The following KAZN variants were observed in gnomAD, a reference collection of about 807,000 sequenced individuals.
KAZN encodes the protein kazrin, periplakin interacting protein, also known as kazrin.
In KAZN, 40 loss-of-function variants were observed where a neutral mutation model predicts 87.4. That is an observed-to-expected ratio of 0.46 (90% CI 0.36 to 0.60). KAZN has a LOEUF of 0.60. Ranked by LOEUF, KAZN falls within the 20% of genes least tolerant of loss-of-function variation. The pLI, the probability that KAZN is intolerant of heterozygous loss-of-function variation, is 0.00. For missense variants in KAZN, 898 were observed against 1,073.9 expected (o/e 0.84, Z 2.29); for synonymous variants, 466 against 458.3 (o/e 1.02, Z -0.22).
intron 2 of KAZN, among the ~76,000 whole-genome samples, chr1:14,522,984 G>A (rs897638655): frequency 1.8e-4 from 28 of 152,062 alleles, no homozygotes; most frequent in African/African-American, 4.8e-4. Flanking sequence ...CTCCCTGTCC[G>A]CCTGTAATTC....
intron 1 of KAZN, among the ~76,000 whole-genome samples, chr1:13,927,447 C>T (rs1640325568): frequency 6.6e-6 from 1 of 152,146 alleles, no homozygotes; most frequent in Non-Finnish European, 1.5e-5. Context: ...CTCATCACAT[C>T]AGAAGACAAG....
chr1:15,089,027 G>A (rs574877106), intron 8 of KAZN, among the ~76,000 whole-genome samples: 129 of 151,894 alleles, frequency 8.5e-4, no homozygotes, highest in African/African-American at 2.9e-3. Context: ...CACACCAGAC[G>A]TTTGCCTTTT....
intron 1 of KAZN, among the ~76,000 whole-genome samples, chr1:14,659,399 G>T (rs1412273012): frequency 1.3e-5 from 2 of 152,044 alleles, no homozygotes; most frequent in Non-Finnish European, 2.9e-5. Flanking sequence ...ACACTCTGGG[G>T]TTTTATGGGG....
At chr1:14,181,950 G>A (rs549769469) in intron 2 of KAZN, among the ~76,000 whole-genome samples, 1 of 152,152 alleles carries the variant, frequency 6.6e-6, no homozygotes, top group South Asian at 2.1e-4. Context: ...TGAAAAAAGT[G>A]CATATTTTTC....
At chr1:14,702,326 CTGTGTGTGTGTGTGTGTG>C (rs3222186) in intron 1 of KAZN, among the ~76,000 whole-genome samples, 1 of 133,282 alleles carries the variant, frequency 7.5e-6, no homozygotes, top group Admixed American at 7.6e-5. Context: ...TTTTGCAAAA[CTGTGTGTGTGTGTGTGTG>C]TGTGTGTGTG....
At chr1:14,315,975 A>G (rs1655630101) in intron 2 of KAZN, among the ~76,000 whole-genome samples, 2 of 152,024 alleles carry the variant, frequency 1.3e-5, no homozygotes, top group South Asian at 2.1e-4. Context: ...AAGCTGCCCA[A>G]CTTCTGCCCA....
chr1:13,956,051 G>GATGA (rs1641534659), intron 1 of KAZN, among the ~76,000 whole-genome samples: 2 of 152,214 alleles, frequency 1.3e-5, no homozygotes, highest in Non-Finnish European at 2.9e-5. Context: ...AAGGCTGCTG[G>GATGA]ATGAATGAGT....
intron 4 of KAZN, among the ~76,000 whole-genome samples, chr1:15,050,947 C>G (rs1365658042): frequency 6.6e-6 from 1 of 152,206 alleles, no homozygotes; most frequent in Non-Finnish European, 1.5e-5. Context: ...CCCCTGAGAT[C>G]TGTGAAAGAG....
At chr1:15,097,776 TC>T (rs1640865534) in intron 10 of KAZN, among the ~76,000 whole-genome samples, 1 of 152,092 alleles carries the variant, frequency 6.6e-6, no homozygotes, top group South Asian at 2.1e-4. Context: ...CGAGACTGCA[TC>T]ATTACACTCC....
chr1:15,024,660 G>T (rs1671007078), intron 2 of KAZN, among the ~76,000 whole-genome samples: 1 of 152,224 alleles, frequency 6.6e-6, no homozygotes, highest in Admixed American at 6.5e-5. Flanking sequence ...GGGAGAGCCT[G>T]GTAGGGGAAG....
intron 2 of KAZN, among the ~76,000 whole-genome samples, chr1:14,235,609 G>C (rs1305766889): frequency 6.6e-6 from 1 of 152,146 alleles, no homozygotes; most frequent in Admixed American, 6.5e-5. Flanking sequence ...TTTGTGGTAC[G>C]TGAATTATAT....
intron 1 of KAZN, among the ~76,000 whole-genome samples, chr1:14,833,565 T>TC (rs1647116198): frequency 6.6e-6 from 1 of 152,116 alleles, no homozygotes; most frequent in South Asian, 2.1e-4. Flanking sequence ...AGGGTATCCG[T>TC]CCTCTACCCC....
chr1:14,633,867 A>ACT (rs113095643), intron 1 of KAZN, among the ~76,000 whole-genome samples: 11,598 of 149,882 alleles, frequency 0.077, 627 homozygotes, highest in African/African-American at 0.15. Flanking sequence ...TTGCGCGCGC[A>ACT]CTCTCTCTCT....
At chr1:14,690,131 G>A (rs1450448767) in intron 1 of KAZN, among the ~76,000 whole-genome samples, 3 of 152,220 alleles carry the variant, frequency 2.0e-5, no homozygotes, top group South Asian at 2.1e-4. Context: ...AAATGAAGAC[G>A]GGCTGCACAT....
chr1:14,118,132 C>T (rs1644670142), intron 1 of KAZN, among the ~76,000 whole-genome samples: 1 of 152,216 alleles, frequency 6.6e-6, no homozygotes, highest in African/African-American at 2.4e-5. Flanking sequence ...TGACCACATT[C>T]TCCTTTGCAG....
At chr1:15,040,774 T>TAA (rs76695641) in intron 3 of KAZN, among the ~76,000 whole-genome samples, 3,426 of 142,414 alleles carry the variant, frequency 0.024, 47 homozygotes, top group Middle Eastern at 0.031. Context: ...TCAAAAAAGT[T>TAA]AAAAAAAAAA....
chr1:14,612,699 T>C (rs551165496), intron 1 of KAZN, among the ~76,000 whole-genome samples: 1 of 152,316 alleles, frequency 6.6e-6, no homozygotes, highest in East Asian at 1.9e-4. Context: ...GGCGGGGGTC[T>C]GTCCTGTGCA....
chr1:14,394,014 T>G (rs1010626351), intron 2 of KAZN, among the ~76,000 whole-genome samples: 2 of 152,194 alleles, frequency 1.3e-5, no homozygotes, highest in Non-Finnish European at 2.9e-5. Flanking sequence ...CAGGCAGCCT[T>G]GATTGGCATT....
Position 15,066,619 on chromosome 1 carries a change from T to G in KAZN, c.1222+866T>G, listed in dbSNP as rs1639246386. 1.0e-6 allele frequency: 1 copy of G among 983,468 alleles called. No individual in the cohort carries two copies. Among genetic ancestry groups the G allele is most frequent in the Non-Finnish European group, 1.2e-6 (1 of 828,090 alleles). The allele number at this position is 983,468 out of a possible 1,614,324, so 60.9% of individuals were successfully genotyped here. Reference sequence around the variant, plus strand: ...ATTTATTTGCACAAATGCTGAAAACTTATTCTATCTAAATTATTACATAAA... The same window carrying G: ...ATTTATTTGCACAAATGCTGAAAACGTATTCTATCTAAATTATTACATAAA... On this transcript the variant is annotated intron_variant, in intron 8 of 14. Transcript: ENST00000376030. This position sits in a 1 kb window ranked among gnomAD's most constrained non-coding sequence, Gnocchi z 4.3.
Sources: allele counts gnomAD v4.1 joint callset (sites outside exome capture counted in the v4.1 genomes callset), GRCh38; gene constraint gnomAD v4.1.1; non-coding constraint Gnocchi (gnomAD v3.1); transcripts MANE v1.5; gene names NCBI Gene and HGNC (gene_info 2026-07-23, HGNC 2026-07-21).